The following LEO1 variants were observed in gnomAD, a reference collection of about 807,000 sequenced individuals.
The protein encoded by LEO1 is LEO1 component of Paf1/RNA polymerase II complex.
Under a neutral mutation model 80.4 loss-of-function variants are expected in LEO1, and 34 were observed. That is an observed-to-expected ratio of 0.42 (90% CI 0.32 to 0.56). The LOEUF is 0.56. LEO1 is among the 20% of genes least tolerant of loss of function. LEO1 has a pLI of 0.10. For missense variants in LEO1, 631 were observed against 814.2 expected, an observed-to-expected ratio of 0.77 and a Z score of 2.74; for synonymous variants, 262 against 274.9, an observed-to-expected ratio of 0.95 and a Z score of 0.46.
In LEO1 at chr15:51,965,835, A is replaced by AT; in HGVS notation, c.727dup (p.Met243AsnfsTer5). 3 of 1,613,898 alleles carry AT rather than the reference A, an allele frequency of 1.9e-6. No individual in the cohort carries two copies. The highest frequency in any genetic ancestry group is 2.5e-6 in the Non-Finnish European group (3 of 1,179,996). On this transcript the variant is annotated frameshift_variant, in exon 2 of 12. Coordinates refer to ENST00000299601, the MANE Select transcript of LEO1 (RefSeq NM_138792.4). LOFTEE classifies it high-confidence loss of function. The stretch of plus-strand genomic sequence containing the variant: ...TGGCCTTTCATCATCAGAATTTTGC[A>AT]TTTTCTCTTCATCAGACAGCTGTGG...
chr15:51,950,866 G>C (rs1270246036), intron 9 of LEO1, among the ~76,000 whole-genome samples: 3 of 152,190 alleles, frequency 2.0e-5, no homozygotes, highest in Admixed American at 6.5e-5. Flanking sequence ...AGTGGTTCAA[G>C]AGCTTCTCCA....
chr15:51,956,838 G>C (rs542634629), intron 6 of LEO1, among the ~76,000 whole-genome samples: 6 of 151,452 alleles, frequency 4.0e-5, no homozygotes, highest in Non-Finnish European at 8.9e-5. Flanking sequence ...ATTTTTTTTT[G>C]GGGGGGAGAC....
Position 51,966,362 on chromosome 15 carries a change from C to T in LEO1, c.201G>A (p.Glu67=), listed in dbSNP as rs145889790. 5.6e-6 allele frequency: 9 copies of T among 1,614,008 alleles called. No individual in the cohort carries two copies. The highest frequency in any genetic ancestry group is 7.6e-6 in the Non-Finnish European group (9 of 1,179,986). Residue 67 remains glutamate (E), a synonymous_variant, in exon 2 of 12, where the codon GAG becomes GAA. Coordinates refer to ENST00000299601, the MANE Select transcript of LEO1 (RefSeq NM_138792.4). ...SNKELFGDDS[E]DEGASHHSGS... ...CACTATGATGTGAAGCTCCCTCGTC[C>T]TCACTGTCATCTCCAAACAGTTCCT...
rs1189692477 is a variant in LEO1, at chr15:51,962,484, CTT to C, written c.822_823del (p.Gly276GlnfsTer2). On this transcript the variant is annotated frameshift_variant, in exon 3 of 12. Transcript: ENST00000299601. LOFTEE classifies it high-confidence loss of function. ...AACTTCATCTTCACTATCACTGCCT[CTT>C]GCAGATTCTATAAGGGTAGAATTAG... 1 of 1,608,120 alleles carries C rather than the reference CTT, an allele frequency of 6.2e-7. No homozygotes were observed. The highest frequency in any genetic ancestry group is 8.5e-7 in the Non-Finnish European group (1 of 1,174,964).
rs1036330533 is a variant in LEO1, at chr15:51,938,104, C to T, written c.*52G>A. The stretch of plus-strand genomic sequence containing the variant: ...TTTCAATCAAAATAACTCATGTTTA[C>T]ATATTTATAACTGTACAATAAAATA... On this transcript the variant is annotated 3_prime_UTR_variant, in exon 12 of 12. Coordinates refer to ENST00000299601, the MANE Select transcript of LEO1 (RefSeq NM_138792.4). The T allele has an allele frequency of 5.8e-6, 5 of 858,142 alleles. No homozygotes were observed. The highest frequency in any genetic ancestry group is 7.2e-6 in the Non-Finnish European group (4 of 553,696). 53.2% of individuals were successfully genotyped at this position (858,142 alleles called of 1,614,324 possible).
chr15:51,965,786 C>G lies in LEO1; in HGVS notation c.777G>C (p.Arg259Ser), dbSNP rs1419177032. The change falls in exon 2 of 12, where the codon AGG becomes AGC. Residue 259 changes from arginine to serine, a missense_variant. By Grantham distance (110) the Arg-to-Ser change is moderately radical. Transcript: ENST00000299601. ...CCTGTTCCTCTTCATCATCTGAATG[C>G]CTGTGTTCTTCATCTGAGGCCTGTG... Reference protein sequence around the residue: ...ERPQASDEEHRHSDDEEEQDH... With the variant: ...ERPQASDEEHSHSDDEEEQDH... The G allele has an allele frequency of 1.9e-6, 3 of 1,612,344 alleles. No homozygotes were observed. The African/African-American group carries it at 4.0e-5, about 22-fold the overall frequency.
At chr15:51,964,547 TAA>T (rs567387816) in intron 2 of LEO1, among the ~76,000 whole-genome samples, 9 of 140,904 alleles carry the variant, frequency 6.4e-5, no homozygotes, top group South Asian at 4.6e-4. Flanking sequence ...CTTAAAGTGT[TAA>T]AAAAAAAAAA....
At chr15:51,948,072 G>C (rs1001135027) in intron 10 of LEO1, among the ~76,000 whole-genome samples, 1 of 152,112 alleles carries the variant, frequency 6.6e-6, no homozygotes, top group African/African-American at 2.4e-5. Context: ...TGGTTTCCTG[G>C]TCCTGTAAAG....
At chr15:51,946,483 C>T (rs1195613820) in intron 11 of LEO1, among the ~76,000 whole-genome samples, 1 of 152,086 alleles carries the variant, frequency 6.6e-6, no homozygotes, top group Non-Finnish European at 1.5e-5. Flanking sequence ...AGCCATGAGC[C>T]ACCATGCCCG....
chr15:51,959,233 A>G (rs1273890254), intron 5 of LEO1, among the ~76,000 whole-genome samples: 2 of 152,038 alleles, frequency 1.3e-5, no homozygotes, highest in Non-Finnish European at 2.9e-5. Flanking sequence ...CAGACTCCTG[A>G]CCTCAGGTGA....
chr15:51,941,483 A>G (rs2056852084), intron 11 of LEO1, among the ~76,000 whole-genome samples: 1 of 152,110 alleles, frequency 6.6e-6, no homozygotes, highest in African/African-American at 2.4e-5. Context: ...ATTCTGAGTA[A>G]TCCTTCACAG....
chr15:51,959,913 G>A lies in LEO1; in HGVS notation c.1146C>T (p.Leu382=), dbSNP rs775794992. ...DLYFVKLPNF[L]SVEPRPFDPQ... ...GATTTCCTTACCTGGGCTCTACACTGAGAAAGTTGGGCAGTTTAACAAAAT... is the reference window on the plus strand; with the variant it reads ...GATTTCCTTACCTGGGCTCTACACTAAGAAAGTTGGGCAGTTTAACAAAAT... Residue 382 remains leucine (L), a synonymous_variant, in exon 5 of 12, where the codon CTC becomes CTT. Coordinates refer to ENST00000299601, the MANE Select transcript of LEO1 (RefSeq NM_138792.4). The A allele has an allele frequency of 1.2e-6, 2 of 1,608,710 alleles. No homozygotes were observed. The highest frequency in any genetic ancestry group is 8.5e-7 in the Non-Finnish European group (1 of 1,177,828).
At chr15:51,951,823 G>T (rs758135044) in intron 9 of LEO1, 21 bp downstream of exon 9, 7 of 1,610,616 alleles carry the variant, frequency 4.3e-6, no homozygotes, top group East Asian at 4.5e-5. Context: ...CCAGGATAAC[G>T]CTTAGGCTTA....
Position 51,941,690 on chromosome 15 carries a change from TA to T in LEO1, c.1897-3431del, listed in dbSNP as rs1313017724. On this transcript the variant is annotated intron_variant, in intron 11 of 11. Coordinates refer to ENST00000299601, the MANE Select transcript of LEO1 (RefSeq NM_138792.4). ...TAGATTTTGTAAAGTTTTAACTACT[TA>T]AAAAAATGAGGGAGAATAAAAAGCT... 3.9e-5 allele frequency among the ~76,000 whole-genome samples: 6 copies of T among 152,344 alleles called. No homozygotes were observed. In the East Asian group the frequency reaches 1.2e-3, roughly 29 times the overall value.
At chr15:51,950,953 C>T (rs185763066) in intron 9 of LEO1, among the ~76,000 whole-genome samples, 1 of 152,322 alleles carries the variant, frequency 6.6e-6, no homozygotes, top group East Asian at 1.9e-4. Context: ...ATGGAACAAG[C>T]CCAGCTCCAA....
intron 11 of LEO1, among the ~76,000 whole-genome samples, chr15:51,938,599 C>T (rs1381688210): frequency 6.6e-6 from 1 of 152,178 alleles, no homozygotes; most frequent in Non-Finnish European, 1.5e-5. Flanking sequence ...GCCTCCTCAG[C>T]ATTTCACTTC....
intron 6 of LEO1, among the ~76,000 whole-genome samples, chr15:51,958,041 C>T (rs912504932): frequency 6.6e-6 from 1 of 151,944 alleles, no homozygotes; most frequent in African/African-American, 2.4e-5. Flanking sequence ...ATATAAATAC[C>T]CACTAGAAAA....
At chr15:51,954,760 G>A (rs1555392914) in intron 6 of LEO1, 185 bp from the exon 7 acceptor site, 4 of 550,406 alleles carry the variant, frequency 7.3e-6, no homozygotes, top group African/African-American at 1.9e-5. Flanking sequence ...ATTAAAAGCA[G>A]GGAAAAAAAT....
chr15:51,949,885 C>A lies in LEO1; in HGVS notation c.1721G>T (p.Arg574Leu), dbSNP rs777389009. The A allele has an allele frequency of 6.2e-7, 1 of 1,614,060 alleles. No individual in the cohort carries two copies. The highest frequency in any genetic ancestry group is 8.5e-7 in the Non-Finnish European group (1 of 1,180,026). ...GLSASYLEPD[R>L]YDEEEEGEES... ...CTCGCCTTCCTCCTCCTCATCGTAT[C>A]GATCAGGTTCCAGGTAACTGGCGCT... Residue 574 changes from arginine (R) to leucine (L), a missense_variant, in exon 10 of 12, where the codon CGA becomes CTA. By Grantham distance (102) the Arg-to-Leu change is moderately radical. Around this residue, in one of 4 missense-constraint regions of LEO1, gnomAD observed 117 missense variants for 163.5 expected, o/e 0.72. Coordinates refer to ENST00000299601, the MANE Select transcript of LEO1 (RefSeq NM_138792.4).
Sources: gnomAD v4.1 joint callset for allele counts (sites outside exome capture counted in the v4.1 genomes callset) on GRCh38, gnomAD v4.1.1 for gene constraint, gnomAD v4.1.1 regional missense constraint, MANE v1.5 for transcripts, NCBI Gene and HGNC (gene_info 2026-07-23, HGNC 2026-07-21) for gene names.